FMN1: variants seen among roughly 807,000 people sequenced by gnomAD.
FMN1 encodes formin-1.
In FMN1, 110 loss-of-function variants were observed where a neutral mutation model predicts 132.4. The observed-to-expected ratio is 0.83, with a 90% CI of 0.71 to 0.97. FMN1 has a LOEUF of 0.97. FMN1 is among the 50% of genes least tolerant of loss of function. The pLI, the probability that FMN1 is intolerant of heterozygous loss-of-function variation, is 0.00. For missense variants in FMN1, 1,792 were observed against 1,705.3 expected, an observed-to-expected ratio of 1.05 and a Z score of -0.90; for synonymous variants, 722 against 651.7, an observed-to-expected ratio of 1.11 and a Z score of -1.64.
At chr15:33,006,886 C>T (rs1029569543) in intron 7 of FMN1, among the ~76,000 whole-genome samples, 1 of 151,366 alleles carries the variant, frequency 6.6e-6, no homozygotes, top group Non-Finnish European at 1.5e-5. Flanking sequence ...GGGCTAGGGG[C>T]AGAGAGGGGT....
At chr15:33,114,537 A>C (rs1318282927) in intron 4 of FMN1, among the ~76,000 whole-genome samples, 1 of 152,232 alleles carries the variant, frequency 6.6e-6, no homozygotes, top group Non-Finnish European at 1.5e-5. Context: ...AATCATTTGA[A>C]TCATCCAGTC....
At chr15:32,981,957 G>C (rs193139597) in intron 7 of FMN1, among the ~76,000 whole-genome samples, 1 of 151,912 alleles carries the variant, frequency 6.6e-6, no homozygotes, top group Admixed American at 6.6e-5. Context: ...AAGCCACACA[G>C]GGAAAAAATG....
intron 9 of FMN1, among the ~76,000 whole-genome samples, chr15:32,954,938 G>A (rs2061731389): frequency 6.6e-6 from 1 of 152,320 alleles, no homozygotes; most frequent in African/African-American, 2.4e-5. Flanking sequence ...AACCTGAGAG[G>A]TGGAGGTTGC....
At chr15:33,093,775 G>C (rs973369037) in intron 4 of FMN1, among the ~76,000 whole-genome samples, 1 of 152,236 alleles carries the variant, frequency 6.6e-6, no homozygotes, top group Non-Finnish European at 1.5e-5. Flanking sequence ...GTAGCAGAGA[G>C]TGGGGAGCAA....
At chr15:33,063,445 TG>T (rs1356116778) in intron 6 of FMN1, 2 of 152,310 alleles carry the variant, frequency 1.3e-5, no homozygotes, top group Admixed American at 1.3e-4. Context: ...CCTTCAGGCT[TG>T]GGTGTGGTAA....
intron 3 of FMN1, among the ~76,000 whole-genome samples, chr15:33,155,447 A>C (rs995524013): frequency 1.3e-5 from 2 of 152,130 alleles, no homozygotes; most frequent in South Asian, 2.1e-4. Context: ...CATTTTCATA[A>C]CTCATATTTG....
chr15:32,891,008 T>C (rs1049923198), intron 15 of FMN1, among the ~76,000 whole-genome samples: 1 of 152,228 alleles, frequency 6.6e-6, no homozygotes, highest in Non-Finnish European at 1.5e-5. Context: ...CTTTTCCCAC[T>C]TTATATTTTT....
chr15:33,105,335 G>A (rs146309109), intron 4 of FMN1, among the ~76,000 whole-genome samples: 3,041 of 152,148 alleles, frequency 0.02, 60 homozygotes, highest in South Asian at 0.093. Context: ...AAAAGGGTAG[G>A]GGTTGCAATT....
At chr15:33,076,780 T>C (rs2038230086) in intron 5 of FMN1, among the ~76,000 whole-genome samples, 1 of 152,226 alleles carries the variant, frequency 6.6e-6, no homozygotes, top group Non-Finnish European at 1.5e-5. Context: ...CGGTATTTTA[T>C]AACAGTTTTC....
chr15:32,900,224 A>C, intron 13 of FMN1, 99 bp from the exon 14 acceptor site: 2 of 1,308,556 alleles, frequency 1.5e-6, no homozygotes, highest in Non-Finnish European at 2.2e-6. Context: ...GGCTGTCGGG[A>C]GGCTTGGTAC....
At chr15:33,134,741 C>G (rs1039168176) in intron 4 of FMN1, among the ~76,000 whole-genome samples, 1 of 152,224 alleles carries the variant, frequency 6.6e-6, no homozygotes, top group African/African-American at 2.4e-5. Flanking sequence ...GTGGCTCACG[C>G]CTATAATCCC....
chr15:33,128,930 T>C (rs959907788), intron 4 of FMN1, among the ~76,000 whole-genome samples: 16 of 152,068 alleles, frequency 1.1e-4, no homozygotes, highest in Admixed American at 2.0e-4. Flanking sequence ...TATTGGTCCA[T>C]TTTACAGAGT....
chr15:33,084,721 A>T (rs1281988360), intron 5 of FMN1, among the ~76,000 whole-genome samples: 1 of 151,356 alleles, frequency 6.6e-6, no homozygotes, highest in Non-Finnish European at 1.5e-5. Context: ...ACCTCCTGCC[A>T]TTCCCCAAGG....
Position 32,767,016 on chromosome 15 carries a change from G to C in FMN1, c.*7294C>G, listed in dbSNP as rs2140812098. Reference sequence around the variant, plus strand: ...ACCAAGCACAGACCAGTTTCACTGGGGTACCTGCTTTCCCAGTACATTGGC... The same window carrying C: ...ACCAAGCACAGACCAGTTTCACTGGCGTACCTGCTTTCCCAGTACATTGGC... On this transcript the variant is annotated 3_prime_UTR_variant, in exon 21 of 21. Coordinates refer to ENST00000616417, the MANE Select transcript of FMN1 (RefSeq NM_001277313.2). 6.6e-6 allele frequency: 1 copy of C among 152,220 alleles called. No individual in the cohort carries two copies. The highest frequency in any genetic ancestry group is 2.1e-4 in the South Asian group (1 of 4,816). The allele number at this position is 152,220 out of a possible 1,614,324, so 9.4% of individuals were successfully genotyped here. A position where few individuals can be genotyped will look rare whatever the true frequency, so the allele number is the denominator to read the frequency against.
intron 9 of FMN1, 58 bp downstream of exon 9, chr15:32,964,049 A>ACACAC: frequency 1.7e-6 from 2 of 1,168,232 alleles, no homozygotes; most frequent in Non-Finnish European, 2.4e-6. Context: ...ACACACACAC[A>ACACAC]TATATACCAT....
chr15:33,034,007 T>A (rs2036074065), intron 6 of FMN1, among the ~76,000 whole-genome samples: 1 of 152,188 alleles, frequency 6.6e-6, no homozygotes, highest in African/African-American at 2.4e-5. Flanking sequence ...GCAGGTCCCC[T>A]GGGTCAGTCC....
At chr15:33,085,707 A>G (rs1160671796) in intron 5 of FMN1, among the ~76,000 whole-genome samples, 1 of 151,986 alleles carries the variant, frequency 6.6e-6, no homozygotes, top group Non-Finnish European at 1.5e-5. Flanking sequence ...CACCTCCTAG[A>G]ATTTTATCAT....
chr15:33,024,274 T>G (rs533951632), intron 6 of FMN1, among the ~76,000 whole-genome samples: 1 of 128,876 alleles, frequency 7.8e-6, no homozygotes, highest in African/African-American at 2.9e-5. Context: ...AGATGTGGAG[T>G]CTCGCTCTGT....
At chr15:33,051,080 A>AC (rs536933581) in intron 6 of FMN1, among the ~76,000 whole-genome samples, 122 of 151,978 alleles carry the variant, frequency 8.0e-4, no homozygotes, top group Admixed American at 2.4e-3. Context: ...GTTCACAAGG[A>AC]CCCCCCCTTT....
Sources: gnomAD v4.1 joint callset for allele counts (sites outside exome capture counted in the v4.1 genomes callset) on GRCh38, gnomAD v4.1.1 for gene constraint, MANE v1.5 for transcripts, NCBI Gene and HGNC (gene_info 2026-07-23, HGNC 2026-07-21) for gene names.